Variants in FAM135B observed in about 807,000 individuals in gnomAD.
FAM135B encodes protein FAM135B.
In FAM135B, 43 loss-of-function variants were observed where a neutral mutation model predicts 127.7. The observed-to-expected ratio is 0.34, with a 90% CI of 0.26 to 0.43. The LOEUF is 0.43. Among genes scored for constraint, FAM135B ranks in the 20% least tolerant of loss-of-function variants. The probability of loss-of-function intolerance (pLI) is 1.00; values close to 1 mark genes in which losing one functional copy is unlikely to be tolerated. For synonymous variants in FAM135B, 670 were observed against 665.1 expected, an observed-to-expected ratio of 1.01 and a Z score of -0.11; for missense variants, 1,558 against 1,725.6, an observed-to-expected ratio of 0.90 and a Z score of 1.72.
chr8:138,277,456 C>A (rs1465953850), intron 3 of FAM135B, among the ~76,000 whole-genome samples: 1 of 152,168 alleles, frequency 6.6e-6, no homozygotes, highest in Non-Finnish European at 1.5e-5. Flanking sequence ...TCAGACTTGG[C>A]CCTGGCTGGG....
chr8:138,472,969 C>T (rs1468422794), intron 1 of FAM135B, among the ~76,000 whole-genome samples: 1 of 152,136 alleles, frequency 6.6e-6, no homozygotes, highest in East Asian at 1.9e-4. Flanking sequence ...CCTGCACATC[C>T]ATGATAGGGC....
chr8:138,231,389 C>G (rs7826537), intron 7 of FAM135B, among the ~76,000 whole-genome samples: 16,700 of 152,194 alleles, frequency 0.11, 1,224 homozygotes, highest in Non-Finnish European at 0.14. Context: ...TTGTTCACCA[C>G]CAACACACTC....
intron 15 of FAM135B, among the ~76,000 whole-genome samples, chr8:138,145,744 G>A (rs772594270): frequency 3.3e-5 from 5 of 152,102 alleles, no homozygotes; most frequent in Non-Finnish European, 5.9e-5. Flanking sequence ...AAAGGCTCCC[G>A]TCAACCGATA....
intron 7 of FAM135B, among the ~76,000 whole-genome samples, chr8:138,216,261 G>A (rs184664541): frequency 7.2e-5 from 11 of 152,266 alleles, no homozygotes; most frequent in East Asian, 3.9e-4. Context: ...ACTTAGAACC[G>A]TTGGAGGATA....
At chr8:138,214,390 G>T (rs2129914852) in intron 7 of FAM135B, among the ~76,000 whole-genome samples, 1 of 152,304 alleles carries the variant, frequency 6.6e-6, no homozygotes, top group Admixed American at 6.5e-5. Context: ...ATTGGGCATT[G>T]TTTCTGGACT....
intron 1 of FAM135B, among the ~76,000 whole-genome samples, chr8:138,382,304 G>T (rs1216875419): frequency 1.3e-5 from 2 of 152,276 alleles, no homozygotes; most frequent in East Asian, 3.9e-4. Flanking sequence ...GAGGAACTAG[G>T]GTAATCCGTC....
intron 12 of FAM135B, among the ~76,000 whole-genome samples, chr8:138,153,856 C>T (rs371469852): frequency 6.6e-6 from 1 of 152,190 alleles, no homozygotes; most frequent in Admixed American, 6.5e-5. Context: ...CTCCACCTCT[C>T]GGGGCAGGGC....
chr8:138,252,335 A>C (rs1353629296), intron 5 of FAM135B, among the ~76,000 whole-genome samples: 1 of 152,234 alleles, frequency 6.6e-6, no homozygotes, highest in Non-Finnish European at 1.5e-5. Context: ...CACAAGGCAA[A>C]AATGTAATCT....
At chr8:138,377,704 A>G (rs1831573042) in intron 1 of FAM135B, among the ~76,000 whole-genome samples, 1 of 152,170 alleles carries the variant, frequency 6.6e-6, no homozygotes, top group African/African-American at 2.4e-5. Context: ...AGCACACATG[A>G]CCTAGCAAGT....
intron 3 of FAM135B, among the ~76,000 whole-genome samples, chr8:138,267,831 G>A (rs577607758): frequency 8.5e-5 from 13 of 152,270 alleles, no homozygotes; most frequent in African/African-American, 3.1e-4. Context: ...AAAATTACTG[G>A]CCTAATGCAG....
chr8:138,278,553 ATTTTTTTTTTTTTTTTT>A (rs557719866), intron 3 of FAM135B, among the ~76,000 whole-genome samples: 3 of 60,472 alleles, frequency 5.0e-5, no homozygotes, highest in African/African-American at 2.0e-4. Context: ...TAAGAACATG[ATTTTTTTTTTTTTTTTT>A]TTTTTTTTTT....
intron 2 of FAM135B, among the ~76,000 whole-genome samples, chr8:138,332,988 C>CAA (rs922473688): frequency 1.5e-5 from 2 of 135,890 alleles, no homozygotes; most frequent in Non-Finnish European, 3.0e-5. Context: ...AAAGCGCACA[C>CAA]ACACACACAC....
In FAM135B at chr8:138,261,484, T is replaced by C. The variant is rs189908722; in HGVS notation, c.297+4219A>G. On this transcript the variant is annotated intron_variant, in intron 4 of 19. Transcript: ENST00000395297. ...CAAATATCCAGAGGGTGTTTGTGCA[T>C]TTTGGTCCAATACATTTACCCCAGC... Among the ~76,000 whole-genome samples the C allele has an allele frequency of 6.0e-4, 92 of 152,368 alleles. 1 individual carries two copies. The highest frequency in any genetic ancestry group is 2.2e-3 in the African/African-American group (91 of 41,596).
rs1465454798 is a variant in FAM135B, at chr8:138,178,673, C to G, written c.891G>C (p.Glu297Asp). ...CCTTGCTTATCTGCTCAGCGATCTT[C>G]TCTGGATTGTTCAACATCTGGAGAG... ...CSELQMLNNPEKIAEQISKDL... is the reference protein window; with the variant it reads ...CSELQMLNNPDKIAEQISKDL... The change falls in exon 10 of 20, where the codon GAG (glutamate) becomes GAC (aspartate). Residue 297 changes from glutamate (E) to aspartate (D), a missense_variant. Glu to Asp is a conservative substitution (Grantham distance 45, BLOSUM62 2). Coordinates refer to ENST00000395297, the MANE Select transcript of FAM135B (RefSeq NM_015912.4). The G allele has an allele frequency of 2.5e-6, 4 of 1,612,754 alleles. No individual in the cohort carries two copies. Among genetic ancestry groups the G allele is most frequent in the Non-Finnish European group, 3.4e-6 (4 of 1,179,592 alleles).
At position 138,146,047 on chromosome 8, in the gene FAM135B, T is replaced by C. The variant is rs2130660069; in HGVS notation, c.3452A>G (p.Asn1151Ser). 2 of 1,590,822 alleles carry C rather than the reference T, an allele frequency of 1.3e-6. No homozygotes were observed. Among genetic ancestry groups the C allele is most frequent in the Non-Finnish European group, 1.7e-6 (2 of 1,160,316 alleles). Residue 1151 changes from asparagine to serine, a missense_variant, in exon 15 of 20, where the codon AAC (asparagine) becomes AGC (serine). Asn to Ser is a conservative substitution (Grantham distance 46). Around this residue, in one of 5 missense-constraint regions of FAM135B, gnomAD observed 194 missense variants for 333.8 expected, o/e 0.58. Coordinates refer to ENST00000395297, the MANE Select transcript of FAM135B (RefSeq NM_015912.4). ...LVVCVHGLDG[N>S]SADLRLVKTF... ...CTTTACCAGCCGGAGGTCTGCACTG[T>C]TCCCTAAAAATGACAGATAACCCCC...
chr8:138,300,219 G>C (rs567536308), intron 3 of FAM135B, among the ~76,000 whole-genome samples: 1 of 151,724 alleles, frequency 6.6e-6, no homozygotes, highest in South Asian at 2.1e-4. Context: ...ACATTTCAGA[G>C]GTCCTTATAC....
chr8:138,287,455 TTTTTTTTTTTC>T (rs1214526287), intron 3 of FAM135B, among the ~76,000 whole-genome samples: 3 of 149,950 alleles, frequency 2.0e-5, no homozygotes, highest in Non-Finnish European at 4.4e-5. Context: ...TTTTTTTTTT[TTTTTTTTTTTC>T]AAATCTGCAT....
intron 1 of FAM135B, among the ~76,000 whole-genome samples, chr8:138,450,240 C>T (rs1287089008): frequency 1.3e-5 from 2 of 152,220 alleles, no homozygotes; most frequent in African/African-American, 4.8e-5. Context: ...TATTTATCTA[C>T]TTAACTACTG....
At chr8:138,175,819 T>G (rs1194511617) in intron 11 of FAM135B, among the ~76,000 whole-genome samples, 1 of 152,220 alleles carries the variant, frequency 6.6e-6, no homozygotes, top group Non-Finnish European at 1.5e-5. Context: ...GTTTCCTCAC[T>G]AGGATGAGTG....
Sources: gnomAD v4.1 joint callset for allele counts (sites outside exome capture counted in the v4.1 genomes callset) on GRCh38, gnomAD v4.1.1 for gene constraint, gnomAD v4.1.1 regional missense constraint, MANE v1.5 for transcripts, NCBI Gene and HGNC (gene_info 2026-07-23, HGNC 2026-07-21) for gene names.